The following ATAD3B variants were observed in gnomAD, a reference collection of about 807,000 sequenced individuals.
ATAD3B encodes the protein ATPase family AAA domain-containing protein 3B.
ATAD3B carries 59 observed loss-of-function variants against 70.2 expected under a neutral mutation model. The observed-to-expected ratio is 0.84, with a 90% CI of 0.68 to 1.04. The LOEUF is 1.04. Ranked by LOEUF, ATAD3B falls within the 50% of genes least tolerant of loss-of-function variation. The pLI is 0.00. For synonymous variants in ATAD3B, 423 were observed against 388.6 expected (o/e 1.09, Z -1.04); for missense variants, 961 against 913.4 (o/e 1.05, Z -0.67).
chr1:1,491,168 C>T (rs1014599919), intron 15 of ATAD3B, among the ~76,000 whole-genome samples: 1 of 151,944 alleles, frequency 6.6e-6, no homozygotes, highest in Non-Finnish European at 1.5e-5. Flanking sequence ...TCGGAGGCAC[C>T]CCTCCTGCTG....
downstream of ATAD3B, among the ~76,000 whole-genome samples, chr1:1,499,137 A>G (rs1640885337): frequency 2.0e-5 from 3 of 149,556 alleles, no homozygotes; most frequent in Non-Finnish European, 4.5e-5. Flanking sequence ...ACGCCCAGCT[A>G]ATTTTTTGTA....
Position 1,496,314 on chromosome 1 carries a change from T to C in ATAD3B, c.*497T>C, listed in dbSNP as rs1403797689. On this transcript the variant is annotated 3_prime_UTR_variant, in exon 16 of 16. Coordinates refer to ENST00000673477, the MANE Select transcript of ATAD3B (RefSeq NM_031921.6). ...AGAGGCTGGAGCTTTCTGGAGAATTTACTGATCACAGAGCGGTGTGCTTCA... is the reference window on the plus strand; with the variant it reads ...AGAGGCTGGAGCTTTCTGGAGAATTCACTGATCACAGAGCGGTGTGCTTCA... The C allele has an allele frequency of 5.6e-6, 5 of 897,626 alleles. No homozygotes were observed. The highest frequency in any genetic ancestry group is 5.6e-4 in the Middle Eastern group (1 of 1,794). The allele number at this position is 897,626 out of a possible 1,614,324, so 55.6% of individuals were successfully genotyped here.
chr1:1,505,685 G>A, the ATAD3B span, among the ~76,000 whole-genome samples: 4,479 of 152,168 alleles, frequency 0.029, 88 homozygotes, highest in Admixed American at 0.048. Context: ...CGGAAGGCTC[G>A]CACTCTTGTC....
In ATAD3B at chr1:1,485,968, T is replaced by C. The variant is rs191367206; in HGVS notation, c.963+130T>C. ...GGTCCTGAGATGCAACTGCTTGGAC[T>C]GTGCCGGGGATAGATAGGCTGCCCA... On this transcript the variant is annotated intron_variant, in intron 9 of 15. Transcript: ENST00000673477. 302 of 1,591,946 alleles carry C rather than the reference T, an allele frequency of 1.9e-4. 2 individuals are homozygous for C. In the African/African-American group the frequency reaches 3.2e-3, roughly 17 times the overall value.
chr1:1,507,139 G>A, the ATAD3B span, among the ~76,000 whole-genome samples: 1 of 152,184 alleles, frequency 6.6e-6, no homozygotes, highest in African/African-American at 2.4e-5. Context: ...GAGAACAGGT[G>A]ATTTTACCTC....
intron 11 of ATAD3B, among the ~76,000 whole-genome samples, 193 bp from the exon 12 acceptor site, chr1:1,487,670 G>T (rs565127375): frequency 6.6e-6 from 1 of 152,030 alleles, no homozygotes; most frequent in South Asian, 2.1e-4. Flanking sequence ...GCCTTCTGAG[G>T]CTGAGACGTG....
downstream of ATAD3B, among the ~76,000 whole-genome samples, chr1:1,502,130 C>T (rs549666022): frequency 6.6e-6 from 1 of 152,052 alleles, no homozygotes; most frequent in Non-Finnish European, 1.5e-5. Context: ...CCGCCTGCCT[C>T]GGTCTCCCAA....
intron 15 of ATAD3B, among the ~76,000 whole-genome samples, chr1:1,491,679 A>G (rs1443719202): frequency 1.3e-5 from 2 of 152,016 alleles, no homozygotes; most frequent in Non-Finnish European, 2.9e-5. Flanking sequence ...CTAGCAGCGT[A>G]TTTGAATGAA....
intron 15 of ATAD3B, among the ~76,000 whole-genome samples, chr1:1,494,026 A>G (rs1451029876): frequency 2.6e-5 from 4 of 152,068 alleles, no homozygotes; most frequent in Non-Finnish European, 5.9e-5. Flanking sequence ...ATGTGAAGAA[A>G]TCAGGTCCAG....
At chr1:1,482,794 A>C in intron 7 of ATAD3B, 180 bp downstream of exon 7, 2 of 995,936 alleles carry the variant, frequency 2.0e-6, no homozygotes, top group Non-Finnish European at 3.0e-6. Flanking sequence ...CTGGGAGAAA[A>C]AAATGCAGTT....
In ATAD3B at chr1:1,490,419, A is replaced by C. The variant is rs1363820247; in HGVS notation, c.1500A>C (p.Gly500=). 6.2e-7 allele frequency: 1 copy of C among 1,613,300 alleles called. No individual in the cohort carries two copies. The part of the protein sequence containing the change: ...DNCVLKPATE[G]KRRLKLAQFD... Reference sequence around the variant, plus strand: ...GTGTTCTTAAGCCGGCCACAGAAGGAAAACGGTGAGTGTCCCGCCTCACCC... The same window carrying C: ...GTGTTCTTAAGCCGGCCACAGAAGGCAAACGGTGAGTGTCCCGCCTCACCC... Residue 500 remains glycine, a synonymous_variant, in exon 14 of 16, where the codon GGA becomes GGC. Transcript: ENST00000673477.
the ATAD3B span, chr1:1,509,072 G>A: frequency 1.0e-4 from 142 of 1,423,648 alleles, no homozygotes; most frequent in South Asian, 1.9e-4. Flanking sequence ...GCCGAGGTGC[G>A]GGAAGCCTGT....
intron 8 of ATAD3B, 102 bp from the exon 9 acceptor site, chr1:1,485,680 G>T: frequency 6.5e-7 from 1 of 1,538,960 alleles, no homozygotes; most frequent in Non-Finnish European, 8.8e-7. Context: ...TGTGCTTTGG[G>T]GCAGCTCCGT....
At chr1:1,488,024 G>C (rs1570256779) in intron 12 of ATAD3B, 110 bp downstream of exon 12, 2 of 1,462,146 alleles carry the variant, frequency 1.4e-6, no homozygotes, top group East Asian at 2.3e-5. Context: ...GCGCAATCTT[G>C]GCTCGCTGCA....
chr1:1,501,243 G>A (rs1640939345), downstream of ATAD3B, among the ~76,000 whole-genome samples: 2 of 146,382 alleles, frequency 1.4e-5, no homozygotes, highest in Non-Finnish European at 3.0e-5. Flanking sequence ...TCGCCACTAC[G>A]CCCAGCTAAT....
chr1:1,490,075 G>T, intron 13 of ATAD3B, 182 bp from the exon 14 acceptor site: 1 of 1,421,434 alleles, frequency 7.0e-7, no homozygotes, highest in South Asian at 1.5e-5. Context: ...AGCTGGGCGT[G>T]GTGGGGCAGG....
chr1:1,492,299 C>T (rs373239394), intron 15 of ATAD3B, among the ~76,000 whole-genome samples: 1 of 151,696 alleles, frequency 6.6e-6, no homozygotes, highest in South Asian at 2.1e-4. Flanking sequence ...CCACCCTGGC[C>T]AACATGATGA....
intron 2 of ATAD3B, 60 bp downstream of exon 2, chr1:1,477,410 TTGGTGGGGCTGCTAC>T (rs1639649557): frequency 6.2e-7 from 1 of 1,607,762 alleles, no homozygotes; most frequent in Non-Finnish European, 8.5e-7. Flanking sequence ...GGCGTGGAGA[TTGGTGGGGCTGCTAC>T]TGGTGGGTAG....
downstream of ATAD3B, among the ~76,000 whole-genome samples, chr1:1,502,071 A>G (rs1157055582): frequency 2.0e-5 from 3 of 150,224 alleles, no homozygotes; most frequent in Admixed American, 6.6e-5. Flanking sequence ...TAGAGATGGG[A>G]TTTCACCATG....
Sources: allele counts gnomAD v4.1 joint callset (sites outside exome capture counted in the v4.1 genomes callset), GRCh38; gene constraint gnomAD v4.1.1; transcripts MANE v1.5; gene names NCBI Gene and HGNC (gene_info 2026-07-23, HGNC 2026-07-21).